The following SLC25A36 variants were observed in gnomAD, a reference collection of about 807,000 sequenced individuals.
SLC25A36 encodes solute carrier family 25 member 36, also known as epididymis secretory sperm binding protein.
SLC25A36 carries 24 observed loss-of-function variants against 35.3 expected under a neutral mutation model. That is an observed-to-expected ratio of 0.68 (90% CI 0.49 to 0.96). The LOEUF (loss-of-function observed/expected upper bound fraction) is 0.96, where lower values mean the gene tolerates loss of function less well. SLC25A36 is among the 40% of genes least tolerant of loss of function. The pLI, the probability that SLC25A36 is intolerant of heterozygous loss-of-function variation, is 0.00. For missense variants in SLC25A36, 294 were observed against 381.1 expected, an observed-to-expected ratio of 0.77 and a Z score of 1.90; for synonymous variants, 141 against 132.2, an observed-to-expected ratio of 1.07 and a Z score of -0.46.
intron 1 of SLC25A36, among the ~76,000 whole-genome samples, chr3:140,951,513 G>A (rs564821350): frequency 1.8e-3 from 267 of 152,170 alleles, no homozygotes; most frequent in African/African-American, 6.1e-3. Flanking sequence ...ATGGAGTCTC[G>A]CTCTGTCACC....
chr3:140,945,653 AT>A (rs1252923543), intron 1 of SLC25A36, among the ~76,000 whole-genome samples: 1 of 150,946 alleles, frequency 6.6e-6, no homozygotes, highest in African/African-American at 2.4e-5. Context: ...AAAAGCAATG[AT>A]GGGTAAAACT....
chr3:140,960,899 G>A (rs1934610285), intron 3 of SLC25A36, among the ~76,000 whole-genome samples: 1 of 152,200 alleles, frequency 6.6e-6, no homozygotes, highest in African/African-American at 2.4e-5. Context: ...GTCATTGTTT[G>A]GCTTATGGGA....
chr3:140,955,526 T>C (rs1409836811), intron 1 of SLC25A36, among the ~76,000 whole-genome samples: 1 of 152,220 alleles, frequency 6.6e-6, no homozygotes, highest in East Asian at 1.9e-4. Flanking sequence ...TTACTCAGCC[T>C]ATATCTTACA....
rs1935114805 is a variant in SLC25A36 at position 140,978,696 on chromosome 3, T to G, written c.*2243T>G. On this transcript the variant is annotated 3_prime_UTR_variant, in exon 7 of 7. Coordinates refer to ENST00000324194, the MANE Select transcript of SLC25A36 (RefSeq NM_001104647.3). ...TATGTACTGGAAAGCAAAGAAATCT[T>G]AGAGTCTTGGACATTGTTTATTTGT... 1 of 152,196 alleles carries G rather than the reference T, an allele frequency of 6.6e-6. No homozygotes were observed. The highest frequency in any genetic ancestry group is 2.4e-5 in the African/African-American group (1 of 41,450). The allele number at this position is 152,196 out of a possible 1,614,324, so 9.4% of individuals were successfully genotyped here. A position where few individuals can be genotyped will look rare whatever the true frequency, so the allele number is the denominator to read the frequency against.
chr3:140,946,610 A>G (rs762564802), intron 1 of SLC25A36, among the ~76,000 whole-genome samples: 31 of 152,218 alleles, frequency 2.0e-4, no homozygotes, highest in Admixed American at 4.6e-4. Context: ...TTCGAAGGTA[A>G]AGATAATAAG....
chr3:140,968,592 T>G, intron 4 of SLC25A36: 1 of 930,672 alleles, frequency 1.1e-6, no homozygotes, highest in South Asian at 5.0e-5. Flanking sequence ...AAATTATAAT[T>G]TATGGGTCTT....
chr3:140,947,065 A>G (rs1934186117), intron 1 of SLC25A36, among the ~76,000 whole-genome samples: 1 of 152,190 alleles, frequency 6.6e-6, no homozygotes, highest in Non-Finnish European at 1.5e-5. Flanking sequence ...GTGACCAAAA[A>G]AATACGGTAT....
chr3:140,952,993 C>G (rs1464924535), intron 1 of SLC25A36, among the ~76,000 whole-genome samples: 1 of 152,092 alleles, frequency 6.6e-6, no homozygotes, highest in Non-Finnish European at 1.5e-5. Context: ...ATACACTAAA[C>G]TGCTAAAAAG....
intron 5 of SLC25A36, 33 bp from the exon 6 acceptor site, chr3:140,973,683 C>A: frequency 1.4e-6 from 2 of 1,386,866 alleles, no homozygotes; most frequent in Admixed American, 2.6e-5. Flanking sequence ...CTTTAAAAAA[C>A]CTATCAGTAA....
intron 3 of SLC25A36, among the ~76,000 whole-genome samples, chr3:140,962,176 T>C (rs547108285): frequency 2.0e-5 from 3 of 152,290 alleles, no homozygotes; most frequent in African/African-American, 4.8e-5. Flanking sequence ...GTGTATCTTA[T>C]GTTTTTCTTT....
chr3:140,959,623 A>G (rs1576482261), intron 3 of SLC25A36, 83 bp downstream of exon 3: 1 of 567,202 alleles, frequency 1.8e-6, no homozygotes. Context: ...ATTTATAGAT[A>G]CAGTTAAATT....
chr3:140,976,319 C>G lies in SLC25A36; in HGVS notation c.802C>G (p.Leu268Val). The G allele has an allele frequency of 1.2e-6, 2 of 1,613,056 alleles. No homozygotes were observed. Among genetic ancestry groups the G allele is most frequent in the Non-Finnish European group, 8.5e-7 (1 of 1,179,632 alleles). ...AAAATACAGATCTTTTTTTCAGACT[C>G]TATCTTTGCTTGTTCAAGAAGAAGG... Reference protein sequence around the residue: ...GTKYRSFFQTLSLLVQEEGYG... With the variant: ...GTKYRSFFQTVSLLVQEEGYG... The change falls in exon 7 of 7, where the codon CTA (leucine) becomes GTA (valine). Residue 268 changes from leucine (L) to valine (V), a missense_variant. Physicochemically the swap from Leu to Val is conservative, Grantham distance 32. Coordinates refer to ENST00000324194, the MANE Select transcript of SLC25A36 (RefSeq NM_001104647.3).
chr3:140,975,139 A>T (rs1195026216), intron 6 of SLC25A36, among the ~76,000 whole-genome samples: 2 of 76,880 alleles, frequency 2.6e-5, no homozygotes, highest in Non-Finnish European at 5.3e-5. Context: ...ATAGGATCTC[A>T]CTGTGTCACC....
rs143147615 is a variant in SLC25A36 at position 140,970,217 on chromosome 3, G to T, written c.386-710G>T. On this transcript the variant is annotated intron_variant, in intron 4 of 6. Coordinates refer to ENST00000324194, the MANE Select transcript of SLC25A36 (RefSeq NM_001104647.3). ...AATACTTTAGTTTTAAAGTAAACTA[G>T]AGCTGTCTTCTACCCTGAGTTTATT... The T allele has an allele frequency of 2.7e-3, 410 of 152,000 alleles. 7 individuals are homozygous for T. The highest frequency in any genetic ancestry group is 9.5e-3 in the African/African-American group (396 of 41,528). The allele number at this position is 152,000 out of a possible 1,614,324, so 9.4% of individuals were successfully genotyped here. A position where few individuals can be genotyped will look rare whatever the true frequency, so the allele number is the denominator to read the frequency against.
At position 140,976,288 on chromosome 3, in the gene SLC25A36, G is replaced by A; in HGVS notation, c.771G>A (p.Glu257=). ...HEVVRTRLRE[E]GTKYRSFFQT... ...TTGTAAGAACAAGACTACGTGAAGA[G>A]GGAACAAAATACAGATCTTTTTTTC... The change falls in exon 7 of 7, where the codon GAG becomes GAA. Residue 257 remains glutamate (E), a synonymous_variant. Transcript: ENST00000324194. 6.2e-7 allele frequency: 1 copy of A among 1,610,530 alleles called. No homozygotes were observed. Among genetic ancestry groups the A allele is most frequent in the South Asian group, 1.1e-5 (1 of 90,346 alleles).
intron 1 of SLC25A36, among the ~76,000 whole-genome samples, chr3:140,943,961 C>G (rs915076168): frequency 6.8e-6 from 1 of 146,292 alleles, no homozygotes; most frequent in Non-Finnish European, 1.5e-5. Flanking sequence ...ATCCCCTCCC[C>G]CCCAGTCTAG....
intron 3 of SLC25A36, among the ~76,000 whole-genome samples, chr3:140,960,377 A>G (rs1453453945): frequency 6.6e-6 from 1 of 152,210 alleles, no homozygotes; most frequent in Admixed American, 6.5e-5. Flanking sequence ...GGCATTTAGG[A>G]TATCTCGACT....
chr3:140,974,788 TATATC>T (rs1191943173), intron 6 of SLC25A36, among the ~76,000 whole-genome samples: 4 of 152,158 alleles, frequency 2.6e-5, no homozygotes, highest in African/African-American at 4.8e-5. Flanking sequence ...CATTGTATAT[TATATC>T]AGGAAAAATG....
At position 140,942,107 on chromosome 3, in the gene SLC25A36, G is replaced by A. The variant is rs1243623189; in HGVS notation, c.41+12G>A. On this transcript the variant is annotated intron_variant, in intron 1 of 6. Transcript: ENST00000324194. ...CTGTTTGCCGGAGGGTAAGGTCCTG[G>A]CGGGGCGTGCGCACTGGGGCTGAGG... is the stretch of plus-strand genomic sequence containing the variant. 3.5e-6 allele frequency: 5 copies of A among 1,412,466 alleles called. No individual in the cohort carries two copies. The highest frequency in any genetic ancestry group is 2.2e-5 in the Admixed American group (1 of 44,450). The allele number at this position is 1,412,466 out of a possible 1,614,324, so 87.5% of individuals were successfully genotyped here.
Sources: gnomAD v4.1 joint callset for allele counts (sites outside exome capture counted in the v4.1 genomes callset) on GRCh38, gnomAD v4.1.1 for gene constraint, MANE v1.5 for transcripts, NCBI Gene and HGNC (gene_info 2026-07-23, HGNC 2026-07-21) for gene names.